RANBP2: variants seen among roughly 807,000 people sequenced by gnomAD.
The protein encoded by RANBP2 is RAN binding protein 2, also known as E3 SUMO-protein ligase RanBP2.
A neutral mutation model predicts 303.6 loss-of-function variants in RANBP2; 57 were observed. The ratio of observed to expected loss-of-function variants is 0.19; its 90% CI spans 0.15 to 0.23. RANBP2 has a LOEUF of 0.23. Among genes scored for constraint, RANBP2 ranks in the 10% least tolerant of loss-of-function variants. The pLI is 1.00. For synonymous variants in RANBP2, 1,167 were observed against 1,301.5 expected (o/e 0.90, Z 2.23); for missense variants, 3,138 against 3,780.8 (o/e 0.83, Z 4.46).
At chr2:109,495,477 CTTTTTTTTTTTTTT>C in the RANBP2 span, among the ~76,000 whole-genome samples, 12 of 94,288 alleles carry the variant, frequency 1.3e-4, no homozygotes, top group Admixed American at 9.2e-4. Context: ...TCTTTCATTC[CTTTTTTTTTTTTTT>C]TTTTTTTTTT....
chr2:109,457,876 C>T, the RANBP2 span, among the ~76,000 whole-genome samples: 3 of 152,178 alleles, frequency 2.0e-5, no homozygotes, highest in African/African-American at 7.2e-5. Context: ...GTCTGTCCCT[C>T]CCAGAAGGCA....
the RANBP2 span, among the ~76,000 whole-genome samples, chr2:108,962,684 A>G: frequency 6.7e-6 from 1 of 148,522 alleles, no homozygotes; most frequent in Non-Finnish European, 1.5e-5. Context: ...CAAAAAAAAA[A>G]AAAAAAAAAA....
chr2:109,423,105 T>C, the RANBP2 span, among the ~76,000 whole-genome samples: 1 of 152,134 alleles, frequency 6.6e-6, no homozygotes, highest in South Asian at 2.1e-4. Context: ...CAGGGAAAAC[T>C]AGGTACCCTG....
the RANBP2 span, among the ~76,000 whole-genome samples, chr2:109,121,249 TAAAACAAAAC>T: frequency 0.59 from 87,829 of 148,544 alleles, 26,272 homozygotes; most frequent in East Asian, 0.82. Context: ...TCCATCTCTC[TAAAACAAAAC>T]AAAACAAAAC....
chr2:109,652,815 C>T, the RANBP2 span, among the ~76,000 whole-genome samples: 1 of 152,178 alleles, frequency 6.6e-6, no homozygotes, highest in Non-Finnish European at 1.5e-5. Flanking sequence ...TGGTAGAACA[C>T]AGAGATGTTT....
the RANBP2 span, chr2:109,665,063 C>A: frequency 6.6e-6 from 1 of 152,014 alleles, no homozygotes; most frequent in Non-Finnish European, 1.5e-5. Flanking sequence ...TTAATTTTAA[C>A]CTTATTATCA....
the RANBP2 span, among the ~76,000 whole-genome samples, chr2:109,727,031 G>A: frequency 1.2e-4 from 19 of 152,310 alleles, no homozygotes; most frequent in East Asian, 5.8e-4. Context: ...AGTTGGAGGC[G>A]CGTGGGGGTC....
At chr2:109,521,727 T>G in the RANBP2 span, among the ~76,000 whole-genome samples, 1 of 152,186 alleles carries the variant, frequency 6.6e-6, no homozygotes, top group Non-Finnish European at 1.5e-5. Context: ...AAAGACGGTG[T>G]GTATCCAAGA....
the RANBP2 span, among the ~76,000 whole-genome samples, chr2:108,828,176 A>G: frequency 4.6e-5 from 7 of 152,318 alleles, no homozygotes; most frequent in African/African-American, 1.7e-4. Context: ...TATTGTAGAT[A>G]AATATTTGGA....
chr2:109,100,033 T>C, the RANBP2 span, among the ~76,000 whole-genome samples: 1 of 152,236 alleles, frequency 6.6e-6, no homozygotes, highest in Admixed American at 6.5e-5. Flanking sequence ...AATAGATTAT[T>C]CTATTGCAGA....
chr2:109,628,228 T>G, the RANBP2 span, among the ~76,000 whole-genome samples: 1 of 152,298 alleles, frequency 6.6e-6, no homozygotes, highest in South Asian at 2.1e-4. Flanking sequence ...GTGCAGTGGC[T>G]CACACCTGTA....
chr2:109,681,809 T>A, the RANBP2 span, among the ~76,000 whole-genome samples: 2 of 152,232 alleles, frequency 1.3e-5, no homozygotes, highest in Non-Finnish European at 2.9e-5. Flanking sequence ...CCCACAGAGC[T>A]TCATGGAGCA....
downstream of RANBP2, among the ~76,000 whole-genome samples, chr2:108,787,138 A>G (rs979466041): frequency 3.3e-5 from 5 of 152,278 alleles, no homozygotes; most frequent in East Asian, 3.9e-4. Flanking sequence ...TGTTCCTGGT[A>G]TACTGGGCAT....
intron 1 of RANBP2, among the ~76,000 whole-genome samples, chr2:108,728,595 T>TATGATGGTG (rs148282033): frequency 2.7e-5 from 4 of 145,614 alleles, no homozygotes; most frequent in African/African-American, 1.0e-4. Context: ...CCAGCTTATT[T>TATGATGGTG]ATGATGATGA....
chr2:109,068,032 A>T, the RANBP2 span, among the ~76,000 whole-genome samples: 3 of 152,110 alleles, frequency 2.0e-5, no homozygotes, highest in Non-Finnish European at 4.4e-5. Context: ...GCCTGCTCAC[A>T]TGCTCCCCTG....
At chr2:109,179,003 A>ATGTGTGTG in the RANBP2 span, among the ~76,000 whole-genome samples, 4,262 of 142,080 alleles carry the variant, frequency 0.03, 107 homozygotes, top group African/African-American at 0.057. Flanking sequence ...AAGTATAATA[A>ATGTGTGTG]TGTGTGTGTG....
the RANBP2 span, among the ~76,000 whole-genome samples, chr2:109,558,386 A>C: frequency 6.6e-6 from 1 of 152,192 alleles, no homozygotes; most frequent in South Asian, 2.1e-4. Flanking sequence ...TACTAAGCAT[A>C]CATCTTCCTT....
chr2:109,063,059 T>G, the RANBP2 span, among the ~76,000 whole-genome samples: 1 of 152,178 alleles, frequency 6.6e-6, no homozygotes, highest in Non-Finnish European at 1.5e-5. Flanking sequence ...CTTCCTCGCC[T>G]TGTCCACCTG....
At chr2:109,038,312 T>C in the RANBP2 span, among the ~76,000 whole-genome samples, 1 of 152,090 alleles carries the variant, frequency 6.6e-6, no homozygotes, top group Non-Finnish European at 1.5e-5. Flanking sequence ...ACCTAAAAGA[T>C]ATATGAATTG....
Sources: gnomAD v4.1 joint callset for allele counts (sites outside exome capture counted in the v4.1 genomes callset) on GRCh38, gnomAD v4.1.1 for gene constraint, MANE v1.5 for transcripts, NCBI Gene and HGNC (gene_info 2026-07-23, HGNC 2026-07-21) for gene names.